TAF4B: variants seen among roughly 807,000 people sequenced by gnomAD.
TAF4B encodes the protein transcription initiation factor TFIID subunit 4B.
In TAF4B, 38 loss-of-function variants were observed where a neutral mutation model predicts 86.4. The observed-to-expected ratio is 0.44, with a 90% CI of 0.34 to 0.58. The LOEUF (loss-of-function observed/expected upper bound fraction) is 0.58, where lower values mean the gene tolerates loss of function less well. TAF4B is among the 20% of genes least tolerant of loss of function. The probability of loss-of-function intolerance (pLI) is 0.02; values close to 1 mark genes in which losing one functional copy is unlikely to be tolerated. For missense variants in TAF4B, 988 were observed against 1,027.6 expected (o/e 0.96, Z 0.53); for synonymous variants, 388 against 391.2 (o/e 0.99, Z 0.10).
chr18:26,269,609 A>C lies in TAF4B; in HGVS notation c.597+1986A>C, dbSNP rs565932422. ...GAACCATACTGCTCACGTTCTTTTCATCTAACAGAAATGATGAGCAGTGAA... is the reference window on the plus strand; with the variant it reads ...GAACCATACTGCTCACGTTCTTTTCCTCTAACAGAAATGATGAGCAGTGAA... On this transcript the variant is annotated intron_variant, in intron 3 of 14. Coordinates refer to ENST00000269142, the MANE Select transcript of TAF4B (RefSeq NM_005640.3). 2.6e-5 allele frequency among the ~76,000 whole-genome samples: 4 copies of C among 152,310 alleles called. No homozygotes were observed. In the South Asian group the frequency reaches 8.3e-4, roughly 32 times the overall value.
chr18:26,287,073 G>GT (rs145672149), intron 7 of TAF4B, among the ~76,000 whole-genome samples: 2,211 of 151,932 alleles, frequency 0.015, 43 homozygotes, highest in African/African-American at 0.051. Flanking sequence ...CTCCTAAAAG[G>GT]TTTTTTTTGT....
At chr18:26,293,145 A>G (rs1791770) in intron 8 of TAF4B, among the ~76,000 whole-genome samples, 54,478 of 152,036 alleles carry the variant, frequency 0.36, 11,923 homozygotes, top group East Asian at 0.81. Flanking sequence ...AATATAAGCA[A>G]TGTATTATTA....
chr18:26,350,795 G>A (rs755666478), intron 13 of TAF4B, among the ~76,000 whole-genome samples: 1 of 152,172 alleles, frequency 6.6e-6, no homozygotes, highest in Non-Finnish European at 1.5e-5. Context: ...CTAATCATCA[G>A]AGAAATGAAA....
intron 13 of TAF4B, among the ~76,000 whole-genome samples, chr18:26,356,631 G>T (rs899950451): frequency 3.3e-5 from 5 of 151,994 alleles, no homozygotes; most frequent in African/African-American, 1.2e-4. Context: ...GATCTTGTTT[G>T]AATATGTGAC....
chr18:26,389,838 T>C lies in TAF4B; in HGVS notation c.2422-7T>C, dbSNP rs1381318236. The C allele has an allele frequency of 6.3e-7, 1 of 1,598,780 alleles. No individual in the cohort carries two copies. The highest frequency in any genetic ancestry group is 1.4e-5 in the African/African-American group (1 of 73,802). ...TTTCAAATTGCTTTTCCTTTTATTA[T>C]TTTTAGGGCTTAAAAGACAACCTTC... is the stretch of plus-strand genomic sequence containing the variant. On this transcript the variant is annotated splice_region_variant and splice_polypyrimidine_tract_variant and intron_variant, in intron 14 of 14. Transcript: ENST00000269142.
At chr18:26,300,735 A>C (rs1042920487) in intron 9 of TAF4B, among the ~76,000 whole-genome samples, 1 of 152,128 alleles carries the variant, frequency 6.6e-6, no homozygotes, top group South Asian at 2.1e-4. Context: ...TGTTGTCTAC[A>C]TCAGTTTGGT....
chr18:26,231,387 CTG>C (rs1235387865), intron 1 of TAF4B, among the ~76,000 whole-genome samples: 2 of 125,158 alleles, frequency 1.6e-5, no homozygotes, highest in East Asian at 5.1e-4. Flanking sequence ...GAGTCTCACT[CTG>C]TTGCCCAGGT....
chr18:26,250,250 C>A (rs141378983), intron 1 of TAF4B, among the ~76,000 whole-genome samples: 4,646 of 152,172 alleles, frequency 0.031, 237 homozygotes, highest in African/African-American at 0.11. Context: ...CCTATCCCAG[C>A]ACTTTGGGAG....
In TAF4B at chr18:26,293,377, G is replaced by A. The variant is rs781073223; in HGVS notation, c.1727-49G>A. 1.8e-5 allele frequency: 23 copies of A among 1,314,168 alleles called. No individual in the cohort carries two copies. In the African/African-American group the frequency reaches 2.1e-4, roughly 12 times the overall value. 81.4% of individuals were successfully genotyped at this position (1,314,168 alleles called of 1,614,324 possible). ...GTTGTCCTGGATTTTTCCTAATGTGGTGTGATTGCTTTTTTTGTATTCTAT... is the reference window on the plus strand; with the variant it reads ...GTTGTCCTGGATTTTTCCTAATGTGATGTGATTGCTTTTTTTGTATTCTAT... On this transcript the variant is annotated intron_variant, in intron 8 of 14. Transcript: ENST00000269142.
intron 3 of TAF4B, among the ~76,000 whole-genome samples, chr18:26,273,939 C>G (rs1247939463): frequency 6.6e-6 from 1 of 152,186 alleles, no homozygotes; most frequent in African/African-American, 2.4e-5. Flanking sequence ...TTCCTTATCC[C>G]TGATCCCCAA....
intron 14 of TAF4B, among the ~76,000 whole-genome samples, chr18:26,365,797 T>G (rs1340511202): frequency 6.6e-6 from 1 of 152,140 alleles, no homozygotes. Flanking sequence ...TTTGGTTTTG[T>G]TTTTTGTTTT....
intron 9 of TAF4B, among the ~76,000 whole-genome samples, chr18:26,306,912 G>A (rs2056800831): frequency 6.6e-6 from 1 of 152,058 alleles, no homozygotes; most frequent in Admixed American, 6.5e-5. Context: ...TGAGTAGCTG[G>A]GTCTACAGGC....
chr18:26,254,915 T>C (rs2056059884), intron 1 of TAF4B, among the ~76,000 whole-genome samples: 1 of 152,226 alleles, frequency 6.6e-6, no homozygotes, highest in South Asian at 2.1e-4. Flanking sequence ...TCCTGCTTAA[T>C]AATCAGTAGT....
At chr18:26,381,156 A>C (rs909157091) in intron 14 of TAF4B, among the ~76,000 whole-genome samples, 17 of 151,850 alleles carry the variant, frequency 1.1e-4, no homozygotes, top group African/African-American at 4.1e-4. Context: ...CTGGGACCAC[A>C]GGCACACACC....
At chr18:26,325,505 T>C (rs919859890) in intron 11 of TAF4B, among the ~76,000 whole-genome samples, 3 of 152,112 alleles carry the variant, frequency 2.0e-5, no homozygotes, top group African/African-American at 7.2e-5. Flanking sequence ...ATTTGTTTAG[T>C]GATACGGAAG....
rs558790952 is a variant in TAF4B at position 26,341,900 on chromosome 18, T to G, written c.2316+6669T>G. On this transcript the variant is annotated intron_variant, in intron 13 of 14. Coordinates refer to ENST00000269142, the MANE Select transcript of TAF4B (RefSeq NM_005640.3). Reference sequence around the variant, plus strand: ...TTCAGCTGTTAATGTTTAGTAGTTTTTTTTTCCTGTTTGTTTGTTTTGTTT... The same window carrying G: ...TTCAGCTGTTAATGTTTAGTAGTTTGTTTTTCCTGTTTGTTTGTTTTGTTT... 2.2e-3 allele frequency among the ~76,000 whole-genome samples: 334 copies of G among 152,230 alleles called. 2 individuals are homozygous for G. Among genetic ancestry groups the G allele is most frequent in the African/African-American group, 7.7e-3 (322 of 41,564 alleles).
rs79814825 is a variant in TAF4B at position 26,380,933 on chromosome 18, G to A, written c.2422-8912G>A. ...TTTCCCAGTTTTTTTCTCCTTTTCT[G>A]CCATCTTTTGAGTTAATCAAGCACT... On this transcript the variant is annotated intron_variant, in intron 14 of 14. Transcript: ENST00000269142. 9.5e-3 allele frequency among the ~76,000 whole-genome samples: 1,442 copies of A among 151,780 alleles called. 12 individuals carry two copies. Among genetic ancestry groups the A allele is most frequent in the East Asian group, 0.019 (96 of 5,146 alleles).
At chr18:26,287,370 C>T (rs900226962) in intron 7 of TAF4B, among the ~76,000 whole-genome samples, 4 of 152,010 alleles carry the variant, frequency 2.6e-5, no homozygotes, top group African/African-American at 9.7e-5. Context: ...TTTTAAGTGC[C>T]CAGAATATTT....
At chr18:26,250,462 A>G (rs909740977) in intron 1 of TAF4B, among the ~76,000 whole-genome samples, 7 of 149,518 alleles carry the variant, frequency 4.7e-5, no homozygotes, top group African/African-American at 1.7e-4. Flanking sequence ...ACGCCACTGC[A>G]CTCCAGCCTG....
Sources: gnomAD v4.1 joint callset for allele counts (sites outside exome capture counted in the v4.1 genomes callset) on GRCh38, gnomAD v4.1.1 for gene constraint, MANE v1.5 for transcripts, NCBI Gene and HGNC (gene_info 2026-07-23, HGNC 2026-07-21) for gene names.